Variants in FNBP1 observed in about 807,000 individuals in gnomAD.
FNBP1 encodes formin-binding protein 1.
FNBP1 carries 26 observed loss-of-function variants against 90.6 expected under a neutral mutation model. That is an observed-to-expected ratio of 0.29 (90% CI 0.21 to 0.40). The LOEUF (loss-of-function observed/expected upper bound fraction) is 0.40. Among genes scored for constraint, FNBP1 ranks in the 10% least tolerant of loss-of-function variants. The pLI is 1.00. For synonymous variants in FNBP1, 260 were observed against 265.2 expected, an observed-to-expected ratio of 0.98 and a Z score of 0.19; for missense variants, 635 against 768.0, an observed-to-expected ratio of 0.83 and a Z score of 2.05.
chr9:129,984,407 G>A (rs1362151996), intron 2 of FNBP1, among the ~76,000 whole-genome samples: 1 of 152,180 alleles, frequency 6.6e-6, no homozygotes, highest in African/African-American at 2.4e-5. Context: ...TCACAGGAAG[G>A]GAAATACGTC....
Position 129,895,982 on chromosome 9 carries a change from T to C in FNBP1, c.1702A>G (p.Thr568Ala). 3 of 1,609,044 alleles carry C rather than the reference T, an allele frequency of 1.9e-6. No individual in the cohort carries two copies. The highest frequency in any genetic ancestry group is 2.5e-6 in the Non-Finnish European group (3 of 1,178,332). Residue 568 changes from threonine to alanine, a missense_variant, in exon 16 of 17, where the codon ACG becomes GCG. By Grantham distance (58) the Thr-to-Ala change is moderately conservative (BLOSUM62 0). Transcript: ENST00000446176. ...GTTTCTCCTTCAACTACGGAAATCG[T>C]TCCTTCATTCTGACCTGAAAAAGCA... ...LYTFEGQNEG[T>A]ISVVEGETLY... is the part of the protein sequence containing the mutation.
chr9:129,963,022 G>T (rs2048053456), intron 4 of FNBP1, among the ~76,000 whole-genome samples: 1 of 152,162 alleles, frequency 6.6e-6, no homozygotes. Flanking sequence ...CATTTCCTAA[G>T]CCGGAGCACC....
intron 1 of FNBP1, among the ~76,000 whole-genome samples, chr9:130,032,690 C>T (rs1034348939): frequency 1.1e-4 from 16 of 151,960 alleles, no homozygotes; most frequent in African/African-American, 3.9e-4. Flanking sequence ...ATGTTTCAAG[C>T]AGCAAATATC....
At chr9:130,019,773 T>C (rs549344134) in intron 1 of FNBP1, among the ~76,000 whole-genome samples, 3 of 152,372 alleles carry the variant, frequency 2.0e-5, no homozygotes, top group African/African-American at 7.2e-5. Flanking sequence ...TTTTCATTTT[T>C]TTGAAACGGA....
Position 129,968,395 on chromosome 9 carries a change from C to CAA in FNBP1, c.346-9844_346-9843dup, listed in dbSNP as rs775896038. Among the ~76,000 whole-genome samples the CAA allele has an allele frequency of 8.7e-4, 60 of 68,726 alleles. 1 individual carries two copies. Among genetic ancestry groups the CAA allele is most frequent in the East Asian group, 4.8e-3 (12 of 2,524 alleles). 45.1% of individuals were successfully genotyped at this position (68,726 alleles called of 152,430 possible). ...GGGCAACAAGAGCAAAACTCCGTCT[C>CAA]AAAAAAAAAAAAAAAAAAAAAATCA... On this transcript the variant is annotated intron_variant, in intron 4 of 16. Transcript: ENST00000446176.
At position 129,966,336 on chromosome 9, in the gene FNBP1, G is replaced by C. The variant is rs2048636762; in HGVS notation, c.346-7783C>G. Among the ~76,000 whole-genome samples the C allele has an allele frequency of 1.3e-5, 2 of 152,210 alleles. No homozygotes were observed. Among genetic ancestry groups the C allele is most frequent in the Non-Finnish European group, 2.9e-5 (2 of 68,032 alleles). On this transcript the variant is annotated intron_variant, in intron 4 of 16. Coordinates refer to ENST00000446176, the MANE Select transcript of FNBP1 (RefSeq NM_015033.3). The surrounding 1 kb of genome is among the most constrained non-coding windows in gnomAD (Gnocchi z 4.3). Reference sequence around the variant, plus strand: ...GTTTGAGGAACAGCTGGATGCCAGTGCCACTAGACCAAGGTAAAGGGCACA... The same window carrying C: ...GTTTGAGGAACAGCTGGATGCCAGTCCCACTAGACCAAGGTAAAGGGCACA...
intron 4 of FNBP1, among the ~76,000 whole-genome samples, chr9:129,960,122 C>T (rs2047561923): frequency 6.6e-6 from 1 of 151,800 alleles, no homozygotes; most frequent in Admixed American, 6.6e-5. Context: ...AAAAATGCGG[C>T]CAGGCCAGCA....
intron 10 of FNBP1, among the ~76,000 whole-genome samples, chr9:129,920,299 T>C (rs1056317852): frequency 2.6e-5 from 4 of 152,180 alleles, no homozygotes; most frequent in Non-Finnish European, 4.4e-5. Context: ...TTCACTGTTT[T>C]AAGTGTTAAT....
At chr9:129,940,244 C>T (rs1405686203) in intron 6 of FNBP1, among the ~76,000 whole-genome samples, 1 of 151,716 alleles carries the variant, frequency 6.6e-6, no homozygotes, top group Non-Finnish European at 1.5e-5. Context: ...ACAATGACAA[C>T]AAAACAACAT....
intron 1 of FNBP1, among the ~76,000 whole-genome samples, chr9:130,032,994 C>T (rs1264880396): frequency 6.6e-6 from 1 of 152,122 alleles, no homozygotes; most frequent in Non-Finnish European, 1.5e-5. Flanking sequence ...TTAACATGTA[C>T]ACCAAATTTT....
intron 6 of FNBP1, among the ~76,000 whole-genome samples, chr9:129,941,716 T>A (rs2044351983): frequency 4.6e-5 from 7 of 152,144 alleles, no homozygotes; most frequent in Admixed American, 3.9e-4. Flanking sequence ...CCTTCCACCT[T>A]GGCCTCCCAA....
intron 6 of FNBP1, among the ~76,000 whole-genome samples, chr9:129,951,693 C>A (rs1454545710): frequency 6.6e-6 from 1 of 151,916 alleles, no homozygotes; most frequent in African/African-American, 2.4e-5. Context: ...GATCCTCCCG[C>A]CTTGGCCTTC....
intron 1 of FNBP1, chr9:130,013,729 T>C: frequency 2.2e-6 from 1 of 456,738 alleles, no homozygotes; most frequent in Non-Finnish European, 4.4e-6. Context: ...AGTTCATGTG[T>C]CAGAAACTTA....
intron 4 of FNBP1, among the ~76,000 whole-genome samples, chr9:129,968,930 C>T (rs947007810): frequency 6.6e-6 from 1 of 152,178 alleles, no homozygotes; most frequent in African/African-American, 2.4e-5. Context: ...TTGGCAAGAA[C>T]CTCCTGGTTC....
At chr9:129,981,895 C>T (rs1163957708) in intron 2 of FNBP1, among the ~76,000 whole-genome samples, 4 of 152,086 alleles carry the variant, frequency 2.6e-5, no homozygotes, top group African/African-American at 9.7e-5. Context: ...TATAATTAGA[C>T]CGACTGATGA....
At chr9:129,926,512 G>A (rs1336053057) in intron 8 of FNBP1, among the ~76,000 whole-genome samples, 1 of 152,110 alleles carries the variant, frequency 6.6e-6, no homozygotes, top group Non-Finnish European at 1.5e-5. Flanking sequence ...GCTGGGTAGA[G>A]GCCAGGATGC....
At chr9:129,953,985 C>T (rs2046555168) in intron 6 of FNBP1, among the ~76,000 whole-genome samples, 1 of 151,684 alleles carries the variant, frequency 6.6e-6, no homozygotes, top group Non-Finnish European at 1.5e-5. Context: ...CTGAGGCCAA[C>T]CTGGGCAACA....
chr9:130,004,916 A>G (rs2055428358), intron 1 of FNBP1, among the ~76,000 whole-genome samples: 1 of 152,012 alleles, frequency 6.6e-6, no homozygotes, highest in African/African-American at 2.4e-5. Context: ...AAACACAAAA[A>G]TTAGCCATGC....
Position 129,900,497 on chromosome 9 carries a change from C to G in FNBP1, c.1479G>C (p.Ala493=). 1 of 1,599,666 alleles carries G rather than the reference C, an allele frequency of 6.3e-7. No individual in the cohort carries two copies. Among genetic ancestry groups the G allele is most frequent in the South Asian group, 1.1e-5 (1 of 88,638 alleles). Residue 493 remains alanine, a synonymous_variant, in exon 14 of 17, where the codon GCG becomes GCC. Transcript: ENST00000446176. This position sits in a 1 kb window ranked among gnomAD's most constrained non-coding sequence, Gnocchi z 4.1. The part of the protein sequence containing the change: ...EGRLPARSEQ[A]RRQSGLYDSQ... ...TGTCGTACAGTCCGCTCTGCCGGCGCGCCTGCTCGCTGCGTGCTGGGAGCC... is the reference window on the plus strand; with the variant it reads ...TGTCGTACAGTCCGCTCTGCCGGCGGGCCTGCTCGCTGCGTGCTGGGAGCC...
Sources: allele counts gnomAD v4.1 joint callset (sites outside exome capture counted in the v4.1 genomes callset), GRCh38; gene constraint gnomAD v4.1.1; non-coding constraint Gnocchi (gnomAD v3.1); transcripts MANE v1.5; gene names NCBI Gene and HGNC (gene_info 2026-07-23, HGNC 2026-07-21).